SLC66A2: variants seen among roughly 807,000 people sequenced by gnomAD.
SLC66A2 encodes the protein solute carrier family 66 member 2.
A neutral mutation model predicts 25.5 loss-of-function variants in SLC66A2; 23 were observed. That is an observed-to-expected ratio of 0.90 (90% CI 0.65 to 1.28). The LOEUF is 1.28. Among genes scored for constraint, SLC66A2 ranks in the 50% most tolerant of loss-of-function variants. The pLI, the probability that SLC66A2 is intolerant of heterozygous loss-of-function variation, is 0.00. For synonymous variants in SLC66A2, 193 were observed against 166.5 expected, an observed-to-expected ratio of 1.16 and a Z score of -1.23; for missense variants, 396 against 373.1, an observed-to-expected ratio of 1.06 and a Z score of -0.51.
chr18:79,932,972 T>C lies in SLC66A2; in HGVS notation c.391+997A>G, dbSNP rs960274564. Reference sequence around the variant, plus strand: ...TTCTATAAGGCCAGTATTATCCTAATACTAAATCTAGACAAAGTCATCACA... The same window carrying C: ...TTCTATAAGGCCAGTATTATCCTAACACTAAATCTAGACAAAGTCATCACA... On this transcript the variant is annotated intron_variant, in intron 4 of 5. Coordinates refer to ENST00000397778, the MANE Select transcript of SLC66A2 (RefSeq NM_025078.5). 2.0e-5 allele frequency among the ~76,000 whole-genome samples: 3 copies of C among 152,324 alleles called. No individual in the cohort carries two copies. In the East Asian group the frequency reaches 5.8e-4, roughly 29 times the overall value.
intron 5 of SLC66A2, among the ~76,000 whole-genome samples, chr18:79,914,657 C>G (rs940365421): frequency 2.0e-5 from 3 of 152,210 alleles, no homozygotes; most frequent in Non-Finnish European, 4.4e-5. Context: ...TGGACCCATG[C>G]GGAGAAGCCA....
chr18:79,945,613 G>A (rs562514316), intron 2 of SLC66A2, among the ~76,000 whole-genome samples: 4 of 152,276 alleles, frequency 2.6e-5, no homozygotes, highest in South Asian at 2.1e-4. Context: ...GATAGAGGAC[G>A]GCCAGCAGCA....
At chr18:79,931,449 T>C (rs1986558153) in intron 4 of SLC66A2, among the ~76,000 whole-genome samples, 1 of 151,714 alleles carries the variant, frequency 6.6e-6, no homozygotes, top group Non-Finnish European at 1.5e-5. Context: ...AGAGAAAATA[T>C]GCATATACGT....
Position 79,934,062 on chromosome 18 carries a change from AAGAC to A in SLC66A2, c.338-44_338-41del, listed in dbSNP as rs768491805. On this transcript the variant is annotated intron_variant, in intron 3 of 5. Coordinates refer to ENST00000397778, the MANE Select transcript of SLC66A2 (RefSeq NM_025078.5). ...GGGAGACAGAAACAGAAAGGGGAAA[AAGAC>A]AGAAACATACTGGTTTTAACATGGG... 3 of 1,555,308 alleles carry A rather than the reference AAGAC, an allele frequency of 1.9e-6. 1 individual carries two copies. The highest frequency in any genetic ancestry group is 3.4e-4 in the Middle Eastern group (2 of 5,948).
intron 5 of SLC66A2, chr18:79,915,601 C>T (rs1983887277): frequency 1.3e-5 from 2 of 152,276 alleles, no homozygotes; most frequent in African/African-American, 4.8e-5. Context: ...GGTCGCCCGT[C>T]TTCTGCCCGG....
rs1375328082 is a variant in SLC66A2, at chr18:79,918,141, C to A, written c.608+1043G>T. ...ACCTACACACAACCCCCGGCCCTCA[C>A]ACCTCTGCCCACACGCCAAACCTGC... On this transcript the variant is annotated intron_variant, in intron 5 of 5. Transcript: ENST00000397778. This position sits in a 1 kb window ranked among gnomAD's most constrained non-coding sequence, Gnocchi z 4.0. Among the ~76,000 whole-genome samples, 1 of 152,200 alleles carries A rather than the reference C, an allele frequency of 6.6e-6. No individual in the cohort carries two copies. The highest frequency in any genetic ancestry group is 1.5e-5 in the Non-Finnish European group (1 of 68,034).
At chr18:79,945,987 G>A (rs2050911518) in intron 2 of SLC66A2, among the ~76,000 whole-genome samples, 1 of 152,246 alleles carries the variant, frequency 6.6e-6, no homozygotes, top group African/African-American at 2.4e-5. Flanking sequence ...TTCACCTCCA[G>A]CAATGAGGCT....
intron 4 of SLC66A2, among the ~76,000 whole-genome samples, chr18:79,931,522 A>G (rs1217273349): frequency 6.6e-6 from 1 of 152,220 alleles, no homozygotes; most frequent in African/African-American, 2.4e-5. Flanking sequence ...GAAAAGAGAA[A>G]AAGATAATTC....
At position 79,903,563 on chromosome 18, in the gene SLC66A2, G is replaced by A. The variant is rs543164800; in HGVS notation, c.*413C>T. On this transcript the variant is annotated 3_prime_UTR_variant, in exon 6 of 6. Transcript: ENST00000397778. ...AGGGTGTCACGGGGTCGAGGGCTCC[G>A]CTCACAGGCCTTACAGGGTCTCCTG... The A allele has an allele frequency of 7.5e-5, 15 of 200,654 alleles. No homozygotes were observed. The highest frequency in any genetic ancestry group is 9.4e-5 in the South Asian group (1 of 10,646). 12.4% of individuals were successfully genotyped at this position (200,654 alleles called of 1,614,324 possible). A position where few individuals can be genotyped will look rare whatever the true frequency, so the allele number is the denominator to read the frequency against.
intron 2 of SLC66A2, chr18:79,949,873 G>A (rs1203076484): frequency 6.6e-6 from 1 of 152,154 alleles, no homozygotes; most frequent in Non-Finnish European, 1.5e-5. Context: ...AATTTCAGAC[G>A]TTTTTGGCCT....
intron 5 of SLC66A2, among the ~76,000 whole-genome samples, chr18:79,907,334 G>GTT (rs57635823): frequency 0.3 from 34,610 of 116,598 alleles, 5,377 homozygotes; most frequent in Non-Finnish European, 0.37. Flanking sequence ...TCTTTGTATA[G>GTT]TTTTTTTTTT....
intron 2 of SLC66A2, 168 bp from the exon 3 acceptor site, chr18:79,943,630 C>T (rs1302425443): frequency 1.4e-6 from 1 of 720,358 alleles, no homozygotes. Flanking sequence ...CCCACATCGC[C>T]TCTCCCAGTC....
intron 5 of SLC66A2, among the ~76,000 whole-genome samples, chr18:79,908,854 C>T (rs1257362150): frequency 6.6e-6 from 1 of 152,044 alleles, no homozygotes; most frequent in Admixed American, 6.6e-5. Context: ...TTTCTTTAAA[C>T]TTCTATTTCT....
chr18:79,938,015 C>A (rs1371283405), intron 3 of SLC66A2, among the ~76,000 whole-genome samples: 6 of 152,044 alleles, frequency 3.9e-5, no homozygotes, highest in Admixed American at 2.6e-4. Flanking sequence ...GGGGCTCACA[C>A]CTGTAATCCC....
chr18:79,913,561 C>T (rs554938341), intron 5 of SLC66A2, among the ~76,000 whole-genome samples: 1 of 152,372 alleles, frequency 6.6e-6, no homozygotes, highest in East Asian at 1.9e-4. Context: ...GGCAGTTGCT[C>T]ACAGGTGGAA....
chr18:79,903,888 G>T lies in SLC66A2; in HGVS notation c.*88C>A, dbSNP rs1981600858. The T allele has an allele frequency of 8.0e-7, 1 of 1,248,094 alleles. No homozygotes were observed. The highest frequency in any genetic ancestry group is 2.7e-5 in the Admixed American group (1 of 37,656). 77.3% of individuals were successfully genotyped at this position (1,248,094 alleles called of 1,614,324 possible). On this transcript the variant is annotated 3_prime_UTR_variant, in exon 6 of 6. Transcript: ENST00000397778. Reference sequence around the variant, plus strand: ...ATGCCCCATCTCTGCCACACCTGCAGGGGCCACAGCACCCACCCTCCCCGC... The same window carrying T: ...ATGCCCCATCTCTGCCACACCTGCATGGGCCACAGCACCCACCCTCCCCGC...
At chr18:79,947,600 CCCCA>C (rs2050971783) in intron 2 of SLC66A2, among the ~76,000 whole-genome samples, 2 of 150,738 alleles carry the variant, frequency 1.3e-5, no homozygotes, top group Admixed American at 6.6e-5. Flanking sequence ...TGCTCTCTGC[CCCCA>C]CCCCAGCCCC....
At chr18:79,913,321 C>T (rs1282602279) in intron 5 of SLC66A2, among the ~76,000 whole-genome samples, 3 of 151,760 alleles carry the variant, frequency 2.0e-5, no homozygotes, top group African/African-American at 7.3e-5. Flanking sequence ...CCCCGCTGCC[C>T]TCATCATCTA....
chr18:79,934,436 C>T (rs534048951), intron 3 of SLC66A2, among the ~76,000 whole-genome samples: 2 of 152,336 alleles, frequency 1.3e-5, no homozygotes, highest in South Asian at 2.1e-4. Flanking sequence ...TGCAATATAG[C>T]TGCCCCAGGT....
Sources: gnomAD v4.1 joint callset for allele counts (sites outside exome capture counted in the v4.1 genomes callset) on GRCh38, gnomAD v4.1.1 for gene constraint, Gnocchi (gnomAD v3.1) non-coding constraint, MANE v1.5 for transcripts, NCBI Gene and HGNC (gene_info 2026-07-23, HGNC 2026-07-21) for gene names.